The following BBS9 variants were observed in gnomAD, a reference collection of about 807,000 sequenced individuals.
BBS9 encodes the protein protein PTHB1.
BBS9 carries 89 observed loss-of-function variants against 117.7 expected under a neutral mutation model. The observed-to-expected ratio is 0.76, with a 90% CI of 0.64 to 0.90. The LOEUF is 0.90. Ranked by LOEUF, BBS9 falls within the 40% of genes least tolerant of loss-of-function variation. BBS9 has a pLI of 0.00. For missense variants in BBS9, 982 were observed against 1,042.2 expected, an observed-to-expected ratio of 0.94 and a Z score of 0.80; for synonymous variants, 379 against 370.9, an observed-to-expected ratio of 1.02 and a Z score of -0.25.
intron 9 of BBS9, chr7:33,314,491 G>A (rs1001351566): frequency 5.2e-6 from 1 of 194,126 alleles, no homozygotes. Flanking sequence ...TTACATGACT[G>A]TAAAAGAGTT....
At chr7:33,190,865 G>A (rs1447706252) in intron 5 of BBS9, among the ~76,000 whole-genome samples, 1 of 152,238 alleles carries the variant, frequency 6.6e-6, no homozygotes, top group Non-Finnish European at 1.5e-5. Flanking sequence ...GGGAAGAGGG[G>A]TGGATTTCCA....
intron 9 of BBS9, among the ~76,000 whole-genome samples, chr7:33,334,886 T>G (rs1814974195): frequency 6.6e-6 from 1 of 152,222 alleles, no homozygotes; most frequent in Non-Finnish European, 1.5e-5. Flanking sequence ...AATCTATTTT[T>G]TATTCCTCTC....
chr7:33,386,926 T>C (rs1826141220), intron 18 of BBS9, among the ~76,000 whole-genome samples: 2 of 152,224 alleles, frequency 1.3e-5, no homozygotes, highest in Non-Finnish European at 2.9e-5. Flanking sequence ...TATATCTTTC[T>C]AGAAATATCC....
intron 21 of BBS9, among the ~76,000 whole-genome samples, chr7:33,580,473 A>G (rs1859695124): frequency 1.3e-5 from 2 of 151,650 alleles, no homozygotes; most frequent in Admixed American, 1.3e-4. Flanking sequence ...GTAACAGTCA[A>G]GAAATAAGAT....
In BBS9 at chr7:33,389,687, T is replaced by TAA. The variant is rs5883400; in HGVS notation, c.2115+1570_2115+1571dup. Among the ~76,000 whole-genome samples the TAA allele has an allele frequency of 7.7e-4, 71 of 91,960 alleles. 1 individual carries two copies. Among genetic ancestry groups the TAA allele is most frequent in the African/African-American group, 2.4e-3 (53 of 22,028 alleles). 60.3% of individuals were successfully genotyped at this position (91,960 alleles called of 152,430 possible). A position where few individuals can be genotyped will look rare whatever the true frequency, so the allele number is the denominator to read the frequency against. ...CTGGGTGACAGAGCAAGACTCCATC[T>TAA]AAAAAAAAAAAAAAAAAAAAAAAAA... is the stretch of plus-strand genomic sequence containing the variant. On this transcript the variant is annotated intron_variant, in intron 19 of 22. Coordinates refer to ENST00000242067, the MANE Select transcript of BBS9 (RefSeq NM_198428.3).
intron 1 of BBS9, among the ~76,000 whole-genome samples, chr7:33,131,876 A>G (rs1208471441): frequency 6.6e-6 from 1 of 152,262 alleles, no homozygotes; most frequent in Non-Finnish European, 1.5e-5. Flanking sequence ...CTCTTAAATG[A>G]AACCTAAATC....
At chr7:33,315,544 A>G (rs1051121444) in intron 9 of BBS9, among the ~76,000 whole-genome samples, 1 of 152,186 alleles carries the variant, frequency 6.6e-6, no homozygotes, top group African/African-American at 2.4e-5. Context: ...TCTCATTACA[A>G]GGACAGCGAA....
intron 21 of BBS9, among the ~76,000 whole-genome samples, chr7:33,619,070 T>C (rs1865281297): frequency 6.6e-6 from 1 of 152,032 alleles, no homozygotes; most frequent in African/African-American, 2.4e-5. Context: ...GCTGAATGGA[T>C]TAGAAAACAA....
In BBS9 at chr7:33,338,310, A is replaced by G. The variant is rs1017134566; in HGVS notation, c.1198+1688A>G. On this transcript the variant is annotated intron_variant, in intron 10 of 22. Transcript: ENST00000242067. ...TAGTAACTTGTACCCTTATAAAACC[A>G]TGGTATGTTTGTTTATTAAAATACC... Among the ~76,000 whole-genome samples, 13 of 152,314 alleles carry G rather than the reference A, an allele frequency of 8.5e-5. No individual in the cohort carries two copies. In the East Asian group the frequency reaches 2.5e-3, roughly 29 times the overall value.
At chr7:33,243,499 A>G (rs1794861690) in intron 5 of BBS9, among the ~76,000 whole-genome samples, 1 of 152,218 alleles carries the variant, frequency 6.6e-6, no homozygotes, top group South Asian at 2.1e-4. Flanking sequence ...CCTACTTGTC[A>G]GCAGAGGGAG....
rs773785030 is a variant in BBS9, at chr7:33,590,461, T to TTTTTTGTTTTTG, written c.2522-14399_2522-14398insGTTTTTGTTTTT. On this transcript the variant is annotated intron_variant, in intron 21 of 22. Transcript: ENST00000242067. Reference sequence around the variant, plus strand: ...ACTGTTTGTTTTTTTGTTTTTTTGTTTTTTTTTTTTTTTTTTACCAGATCA... The same window carrying TTTTTTGTTTTTG: ...ACTGTTTGTTTTTTTGTTTTTTTGTTTTTTTGTTTTTGTTTTTTTTTTTTTTTTACCAGATCA... Among the ~76,000 whole-genome samples the TTTTTTGTTTTTG allele has an allele frequency of 2.8e-3, 306 of 109,500 alleles. 9 individuals carry two copies. The highest frequency in any genetic ancestry group is 8.8e-3 in the African/African-American group (249 of 28,354). 71.8% of individuals were successfully genotyped at this position (109,500 alleles called of 152,430 possible).
At chr7:33,134,603 G>GT in intron 1 of BBS9, among the ~76,000 whole-genome samples, 1 of 151,814 alleles carries the variant, frequency 6.6e-6, no homozygotes, top group Non-Finnish European at 1.5e-5. Context: ...CATTTATTTT[G>GT]TTTTTTTGAG....
At position 33,273,087 on chromosome 7, in the gene BBS9, G is replaced by A. The variant is rs149093988; in HGVS notation, c.778G>A (p.Val260Ile). The A allele has an allele frequency of 3.1e-6, 5 of 1,613,702 alleles. No homozygotes were observed. Among genetic ancestry groups the A allele is most frequent in the East Asian group, 2.2e-5 (1 of 44,814 alleles). Residue 260 changes from valine to isoleucine, a missense_variant, in exon 8 of 23, where the codon GTT becomes ATT. Val to Ile is a conservative substitution (Grantham distance 29, BLOSUM62 3). Transcript: ENST00000242067. ...IVSFNQSASS[V>I]FVLGERNFFC... ...CTCTTTCAATCAGTCGGCATCCTCT[G>A]TTTTTGTTCTTGGTGAGAGAAACTT...
At chr7:33,277,393 T>G (rs1444218046) in intron 9 of BBS9, among the ~76,000 whole-genome samples, 1 of 152,204 alleles carries the variant, frequency 6.6e-6, no homozygotes, top group Non-Finnish European at 1.5e-5. Flanking sequence ...GTTGGTTCCC[T>G]TTTTATATGA....
chr7:33,529,158 A>T (rs779297096), intron 20 of BBS9, among the ~76,000 whole-genome samples: 5 of 152,218 alleles, frequency 3.3e-5, no homozygotes, highest in Non-Finnish European at 1.5e-5. Flanking sequence ...ACCAGCAATC[A>T]CACTGGTACA....
intron 5 of BBS9, among the ~76,000 whole-genome samples, chr7:33,193,622 T>C (rs1169217541): frequency 6.6e-6 from 1 of 152,102 alleles, no homozygotes; most frequent in Non-Finnish European, 1.5e-5. Context: ...GTTTTGACGG[T>C]TGGATATCAT....
intron 9 of BBS9, among the ~76,000 whole-genome samples, chr7:33,314,021 A>G (rs1252871129): frequency 2.0e-5 from 3 of 152,170 alleles, no homozygotes; most frequent in Admixed American, 6.5e-5. Flanking sequence ...GCTTTTCCTG[A>G]AAGATGGTTA....
At chr7:33,585,531 A>C (rs993780551) in intron 21 of BBS9, among the ~76,000 whole-genome samples, 1 of 152,080 alleles carries the variant, frequency 6.6e-6, no homozygotes, top group Non-Finnish European at 1.5e-5. Context: ...CAAGTCACTT[A>C]AGCTTTTTAC....
At chr7:33,630,614 G>A (rs1266234239) in intron 21 of BBS9, among the ~76,000 whole-genome samples, 1 of 152,154 alleles carries the variant, frequency 6.6e-6, no homozygotes, top group Non-Finnish European at 1.5e-5. Flanking sequence ...GTCCCCTGCT[G>A]AAGAGTCTTC....
Sources: allele counts gnomAD v4.1 joint callset (sites outside exome capture counted in the v4.1 genomes callset), GRCh38; gene constraint gnomAD v4.1.1; transcripts MANE v1.5; gene names NCBI Gene and HGNC (gene_info 2026-07-23, HGNC 2026-07-21).